MYO1B: variants seen among roughly 807,000 people sequenced by gnomAD.
MYO1B encodes myosin IB.
In MYO1B, 72 loss-of-function variants were observed where a neutral mutation model predicts 159.7. That is an observed-to-expected ratio of 0.45 (90% CI 0.37 to 0.55). MYO1B has a LOEUF of 0.55. MYO1B is among the 20% of genes least tolerant of loss of function. MYO1B has a pLI of 0.00. For synonymous variants in MYO1B, 468 were observed against 473.8 expected, an observed-to-expected ratio of 0.99 and a Z score of 0.16; for missense variants, 1,062 against 1,364.8, an observed-to-expected ratio of 0.78 and a Z score of 3.50.
chr2:191,327,024 T>C (rs989087541), intron 3 of MYO1B, among the ~76,000 whole-genome samples: 1 of 152,132 alleles, frequency 6.6e-6, no homozygotes, highest in African/African-American at 2.4e-5. Flanking sequence ...TTGCCAATGA[T>C]GATAATGAAA....
At chr2:191,285,461 C>T (rs1413716786) in intron 2 of MYO1B, among the ~76,000 whole-genome samples, 3 of 152,298 alleles carry the variant, frequency 2.0e-5, no homozygotes, top group Admixed American at 1.3e-4. Flanking sequence ...CCACGGTTTG[C>T]GGGACGTCCT....
In MYO1B at chr2:191,364,183, C is replaced by CGGCATT. The variant is rs775626586; in HGVS notation, c.941_946dup (p.Gly314_Ile315dup). 1 of 1,613,804 alleles carries CGGCATT rather than the reference C, an allele frequency of 6.2e-7. No homozygotes were observed. The highest frequency in any genetic ancestry group is 8.5e-7 in the Non-Finnish European group (1 of 1,179,834). ...AGTTAAAAGAAATTTGTGAATTGAC[C>CGGCATT]GGCATTGATCAATCAGTTCTAGAAC... is the stretch of plus-strand genomic sequence containing the variant. On this transcript the variant is annotated inframe_insertion, in exon 11 of 31. Coordinates refer to ENST00000392318, the MANE Select transcript of MYO1B (RefSeq NM_001130158.3).
chr2:191,386,985 G>T (rs1695435882), intron 16 of MYO1B, among the ~76,000 whole-genome samples: 2 of 152,196 alleles, frequency 1.3e-5, no homozygotes, highest in Middle Eastern at 6.8e-3. Context: ...AACATTTTTG[G>T]AGTTTATTCT....
At chr2:191,402,817 G>T in intron 24 of MYO1B, 99 bp downstream of exon 24, 1 of 882,432 alleles carries the variant, frequency 1.1e-6, no homozygotes, top group Non-Finnish European at 1.7e-6. Context: ...CTGATGGTCT[G>T]CACAGTCTTG....
chr2:191,398,858 C>T (rs375956667), intron 21 of MYO1B, among the ~76,000 whole-genome samples: 3 of 151,884 alleles, frequency 2.0e-5, no homozygotes, highest in South Asian at 2.1e-4. Context: ...ACTTCCCAGA[C>T]GGGGTGGCGG....
At chr2:191,308,521 A>C (rs933845478) in intron 3 of MYO1B, among the ~76,000 whole-genome samples, 3 of 152,096 alleles carry the variant, frequency 2.0e-5, no homozygotes, top group African/African-American at 7.2e-5. Context: ...AACCCCTCCA[A>C]GTCATTTCCC....
chr2:191,392,363 G>A (rs183750537), intron 19 of MYO1B, among the ~76,000 whole-genome samples, 162 bp downstream of exon 19: 9 of 152,270 alleles, frequency 5.9e-5, no homozygotes, highest in Admixed American at 1.3e-4. Context: ...GACAGATAAG[G>A]GTAAGGGGCG....
In MYO1B at chr2:191,400,398, G is replaced by A. The variant is rs748703078; in HGVS notation, c.2312G>A (p.Arg771Gln). ...IRGWKARKIL[R>Q]ELKHQKRCKE... ...GCCCTTTAGGCTCGAAAAATTCTGCGGGAACTGAAGCATCAAAAGCGCTGT... is the reference window on the plus strand; with the variant it reads ...GCCCTTTAGGCTCGAAAAATTCTGCAGGAACTGAAGCATCAAAAGCGCTGT... Residue 771 changes from arginine to glutamine, a missense_variant, in exon 22 of 31, where the codon CGG becomes CAG. Physicochemically the swap from Arg to Gln is conservative, Grantham distance 43. This residue lies in a region of MYO1B where 609 missense variants were observed against 744.4 expected (regional missense o/e 0.82). Transcript: ENST00000392318. The A allele has an allele frequency of 7.4e-6, 12 of 1,613,868 alleles. No homozygotes were observed. Among genetic ancestry groups the A allele is most frequent in the South Asian group, 1.1e-5 (1 of 91,062 alleles).
At chr2:191,408,522 C>T (rs1697067926) in intron 25 of MYO1B, among the ~76,000 whole-genome samples, 1 of 152,086 alleles carries the variant, frequency 6.6e-6, no homozygotes, top group Admixed American at 6.5e-5. Context: ...CAGGGCAAGG[C>T]TGGCAAGCAA....
chr2:191,256,659 C>G (rs1489892194), intron 1 of MYO1B, among the ~76,000 whole-genome samples: 3 of 152,126 alleles, frequency 2.0e-5, no homozygotes, highest in Non-Finnish European at 1.5e-5. Flanking sequence ...TCTCTATTTT[C>G]TAAATCTTCT....
At chr2:191,281,018 A>G (rs2125758797) in intron 2 of MYO1B, among the ~76,000 whole-genome samples, 1 of 152,342 alleles carries the variant, frequency 6.6e-6, no homozygotes, top group African/African-American at 2.4e-5. Context: ...GTCCTGCTTC[A>G]GGGAAATTTT....
At chr2:191,389,671 T>C (rs745844285) in intron 17 of MYO1B, among the ~76,000 whole-genome samples, 8 of 152,190 alleles carry the variant, frequency 5.3e-5, no homozygotes, top group Non-Finnish European at 1.0e-4. Flanking sequence ...GAAATAAAGT[T>C]TTTCCCTGGG....
At chr2:191,363,998 T>G in intron 10 of MYO1B, 123 bp downstream of exon 10, 2 of 1,314,032 alleles carry the variant, frequency 1.5e-6, no homozygotes, top group Non-Finnish European at 2.2e-6. Flanking sequence ...CTAATGAAAC[T>G]GAGCAGAAAT....
rs940267375 is a variant in MYO1B at position 191,341,464 on chromosome 2, C to T, written c.350C>T (p.Ala117Val). The change falls in exon 5 of 31, where the codon GCC (alanine) becomes GTC (valine). Residue 117 changes from alanine (A) to valine (V), a missense_variant. By Grantham distance (64) the Ala-to-Val change is moderately conservative. Coordinates refer to ENST00000392318, the MANE Select transcript of MYO1B (RefSeq NM_001130158.3). Reference protein sequence around the residue: ...TGESGAGKTEASKLVMSYVAA... With the variant: ...TGESGAGKTEVSKLVMSYVAA... Reference sequence around the variant, plus strand: ...TATGGCTTATTTTCATCCACAGAGGCCAGTAAGCTTGTCATGTCCTATGTG... The same window carrying T: ...TATGGCTTATTTTCATCCACAGAGGTCAGTAAGCTTGTCATGTCCTATGTG... 1.2e-6 allele frequency: 2 copies of T among 1,612,576 alleles called. No individual in the cohort carries two copies. Among genetic ancestry groups the T allele is most frequent in the Non-Finnish European group, 1.7e-6 (2 of 1,179,246 alleles).
intron 11 of MYO1B, among the ~76,000 whole-genome samples, chr2:191,367,512 A>G (rs535977808): frequency 6.6e-6 from 1 of 152,328 alleles, no homozygotes; most frequent in South Asian, 2.1e-4. Flanking sequence ...GACCCCTGGA[A>G]TAAATATTGT....
intron 7 of MYO1B, among the ~76,000 whole-genome samples, chr2:191,359,312 G>GTTTTTTTTTTTT (rs3053692): frequency 1.5e-5 from 2 of 134,730 alleles, no homozygotes; most frequent in Non-Finnish European, 3.1e-5. Flanking sequence ...AACCTTTGGG[G>GTTTTTTTTTTTT]TTTTTTTTTT....
At chr2:191,361,799 T>C (rs1693689580) in intron 8 of MYO1B, among the ~76,000 whole-genome samples, 1 of 152,032 alleles carries the variant, frequency 6.6e-6, no homozygotes, top group African/African-American at 2.4e-5. Flanking sequence ...ACACCACTTT[T>C]TGGACTATAT....
chr2:191,311,116 C>T (rs1244527381), intron 3 of MYO1B, among the ~76,000 whole-genome samples: 2 of 152,274 alleles, frequency 1.3e-5, no homozygotes, highest in African/African-American at 4.8e-5. Flanking sequence ...GCTTGAGATC[C>T]AAAAAGAATA....
intron 2 of MYO1B, among the ~76,000 whole-genome samples, chr2:191,290,114 A>C (rs1688609103): frequency 6.6e-6 from 1 of 152,222 alleles, no homozygotes. Context: ...TACGTTCCCA[A>C]TTAGTGCCAT....
Sources: gnomAD v4.1 joint callset for allele counts (sites outside exome capture counted in the v4.1 genomes callset) on GRCh38, gnomAD v4.1.1 for gene constraint, gnomAD v4.1.1 regional missense constraint, MANE v1.5 for transcripts, NCBI Gene and HGNC (gene_info 2026-07-23, HGNC 2026-07-21) for gene names.